Variants in ATG10 observed in about 807,000 individuals in gnomAD.
ATG10 encodes autophagy related 10, also known as ubiquitin-like-conjugating enzyme ATG10.
ATG10 carries 30 observed loss-of-function variants against 32.1 expected under a neutral mutation model. That is an observed-to-expected ratio of 0.94 (90% confidence interval 0.70 to 1.27). The LOEUF (loss-of-function observed/expected upper bound fraction) is 1.27. ATG10 is among the 50% of genes most tolerant of loss of function. The probability of loss-of-function intolerance (pLI) is 0.00; values close to 1 mark genes in which losing one functional copy is unlikely to be tolerated. For missense variants in ATG10, 233 were observed against 262.3 expected (o/e 0.89, Z 0.77); for synonymous variants, 87 against 91.5 (o/e 0.95, Z 0.28).
chr5:82,203,603 AT>A (rs1745162981), intron 5 of ATG10, among the ~76,000 whole-genome samples: 1 of 152,070 alleles, frequency 6.6e-6, no homozygotes, highest in Non-Finnish European at 1.5e-5. Flanking sequence ...TTTATCTCAT[AT>A]TGTTGTACTT....
At chr5:82,220,744 ATC>A (rs1277362934) in intron 5 of ATG10, among the ~76,000 whole-genome samples, 1 of 138,954 alleles carries the variant, frequency 7.2e-6, no homozygotes, top group Non-Finnish European at 1.5e-5. Flanking sequence ...GTACTACTCC[ATC>A]TCTCTCTTTC....
intron 3 of ATG10, among the ~76,000 whole-genome samples, chr5:82,152,486 C>G (rs1767644446): frequency 6.6e-6 from 1 of 152,180 alleles, no homozygotes; most frequent in South Asian, 2.1e-4. Flanking sequence ...CAATGGGCAC[C>G]TTAAAATCAA....
At chr5:82,174,950 G>T (rs552169598) in intron 4 of ATG10, among the ~76,000 whole-genome samples, 2 of 152,218 alleles carry the variant, frequency 1.3e-5, no homozygotes, top group South Asian at 4.1e-4. Flanking sequence ...ACCTTCCTCA[G>T]TTTTTTTAAG....
At chr5:82,136,434 C>T (rs1766753643) in intron 3 of ATG10, among the ~76,000 whole-genome samples, 1 of 152,190 alleles carries the variant, frequency 6.6e-6, no homozygotes, top group African/African-American at 2.4e-5. Flanking sequence ...GTGACAAAAT[C>T]TCTCAGCATT....
At chr5:82,151,101 GGGCTT>G (rs1299321744) in intron 3 of ATG10, among the ~76,000 whole-genome samples, 7 of 152,120 alleles carry the variant, frequency 4.6e-5, no homozygotes, top group Non-Finnish European at 7.3e-5. Flanking sequence ...TGCCCCCAGA[GGGCTT>G]GCAAAACAAT....
intron 2 of ATG10, among the ~76,000 whole-genome samples, chr5:82,044,833 A>G (rs1763189195): frequency 6.6e-6 from 1 of 152,206 alleles, no homozygotes. Flanking sequence ...CTTGCTAGGT[A>G]TCAGTAGTTT....
intron 3 of ATG10, among the ~76,000 whole-genome samples, chr5:82,066,721 C>T (rs72776847): frequency 0.026 from 4,004 of 152,232 alleles, 78 homozygotes; most frequent in Middle Eastern, 0.044. Flanking sequence ...CCTTGAAATA[C>T]ACTCATTTGC....
intron 2 of ATG10, among the ~76,000 whole-genome samples, chr5:82,053,331 G>T (rs1763486423): frequency 6.6e-6 from 1 of 152,122 alleles, no homozygotes; most frequent in East Asian, 1.9e-4. Flanking sequence ...ACCCCTTCCT[G>T]TTGATTTGGT....
chr5:82,114,413 A>G (rs1208067910), intron 3 of ATG10, among the ~76,000 whole-genome samples: 1 of 152,084 alleles, frequency 6.6e-6, no homozygotes, highest in Non-Finnish European at 1.5e-5. Flanking sequence ...TTATGCACAT[A>G]GAAATTATAC....
intron 2 of ATG10, among the ~76,000 whole-genome samples, chr5:81,998,289 A>C (rs1581582183): frequency 1.3e-5 from 2 of 152,342 alleles, no homozygotes; most frequent in South Asian, 4.1e-4. Flanking sequence ...AGCCAAACTA[A>C]GTTTCATAAG....
rs559374563 is a variant in ATG10, at chr5:82,156,568, A to C, written c.217-7831A>C. Reference sequence around the variant, plus strand: ...GGCCTTCCTCCTAGAGCAGAGGAACAAATTACATGATGTACATCAATAGGC... The same window carrying C: ...GGCCTTCCTCCTAGAGCAGAGGAACCAATTACATGATGTACATCAATAGGC... On this transcript the variant is annotated intron_variant, in intron 3 of 7. Transcript: ENST00000282185. 1.4e-4 allele frequency among the ~76,000 whole-genome samples: 21 copies of C among 152,320 alleles called. No homozygotes were observed. The South Asian group carries it at 3.9e-3, about 29-fold the overall frequency.
chr5:82,117,119 G>A (rs571105222), intron 3 of ATG10, among the ~76,000 whole-genome samples: 1 of 152,050 alleles, frequency 6.6e-6, no homozygotes, highest in Non-Finnish European at 1.5e-5. Context: ...AGGATAAAAG[G>A]ATGCATAAGA....
rs547581093 is a variant in ATG10, at chr5:82,187,728, C to A, written c.453+9141C>A. ...TCAGCCTCCCAAGTAGCTGAGATTG[C>A]AGGCGCCCGCCACCACGCCTGGCTA... On this transcript the variant is annotated intron_variant, in intron 5 of 7. Transcript: ENST00000282185. Among the ~76,000 whole-genome samples, 598 of 151,796 alleles carry A rather than the reference C, an allele frequency of 3.9e-3. 3 individuals carry two copies. Among genetic ancestry groups the A allele is most frequent in the Middle Eastern group, 6.8e-3 (2 of 294 alleles).
chr5:82,083,627 C>T (rs980919391), intron 3 of ATG10, among the ~76,000 whole-genome samples: 1 of 152,142 alleles, frequency 6.6e-6, no homozygotes, highest in South Asian at 2.1e-4. Flanking sequence ...CCCTCTGACA[C>T]GAAGCTTCCA....
intron 4 of ATG10, among the ~76,000 whole-genome samples, chr5:82,177,878 A>C (rs1744093462): frequency 6.6e-6 from 1 of 152,088 alleles, no homozygotes; most frequent in South Asian, 2.1e-4. Flanking sequence ...CCAAGTGTTA[A>C]TATCTCTCTT....
chr5:82,041,898 G>C (rs1047190232), intron 2 of ATG10, among the ~76,000 whole-genome samples: 1 of 151,754 alleles, frequency 6.6e-6, no homozygotes, highest in African/African-American at 2.4e-5. Flanking sequence ...ATTATATCCA[G>C]TATATTTTTC....
At chr5:82,030,030 C>G (rs1052927674) in intron 2 of ATG10, among the ~76,000 whole-genome samples, 5 of 152,160 alleles carry the variant, frequency 3.3e-5, no homozygotes, top group African/African-American at 1.2e-4. Flanking sequence ...TGTAGTGACA[C>G]TAACCACCAG....
intron 1 of ATG10, chr5:81,972,536 C>T (rs986521056): frequency 1.3e-5 from 2 of 152,250 alleles, no homozygotes; most frequent in Non-Finnish European, 2.9e-5. Context: ...ACCCGGTCCC[C>T]GTCGCGCACA....
intron 3 of ATG10, among the ~76,000 whole-genome samples, chr5:82,129,390 G>T (rs932517079): frequency 6.6e-6 from 1 of 152,002 alleles, no homozygotes; most frequent in African/African-American, 2.4e-5. Flanking sequence ...CCTTGCTGGT[G>T]AGGAGTTGTG....
Sources: allele counts gnomAD v4.1 joint callset (sites outside exome capture counted in the v4.1 genomes callset), GRCh38; gene constraint gnomAD v4.1.1; transcripts MANE v1.5; gene names NCBI Gene and HGNC (gene_info 2026-07-23, HGNC 2026-07-21).